Variants in PIK3R5 observed in about 807,000 individuals in gnomAD.
PIK3R5 encodes the protein phosphoinositide 3-kinase regulatory subunit 5.
In PIK3R5, 32 loss-of-function variants were observed where a neutral mutation model predicts 94.9. That is an observed-to-expected ratio of 0.34 (90% CI 0.25 to 0.45). PIK3R5 has a LOEUF of 0.45. PIK3R5 is among the 20% of genes least tolerant of loss of function. The probability of loss-of-function intolerance (pLI) is 1.00; values close to 1 mark genes in which losing one functional copy is unlikely to be tolerated. For missense variants in PIK3R5, 853 were observed against 1,144.6 expected, an observed-to-expected ratio of 0.75 and a Z score of 3.68; for synonymous variants, 443 against 479.4, an observed-to-expected ratio of 0.92 and a Z score of 0.99.
At chr17:8,886,193 C>T (rs1410126302) in intron 14 of PIK3R5, 36 bp downstream of exon 14, 3 of 1,522,088 alleles carry the variant, frequency 2.0e-6, no homozygotes, top group Non-Finnish European at 2.7e-6. Context: ...TCCCAGGCCC[C>T]GCCTCACCGT....
chr17:8,915,040 A>C (rs776757373), intron 1 of PIK3R5, among the ~76,000 whole-genome samples: 60 of 152,378 alleles, frequency 3.9e-4, no homozygotes, highest in Admixed American at 1.1e-3. Context: ...GGTTTCAACC[A>C]CTAGAATACA....
chr17:8,917,797 C>T (rs2090659787), intron 1 of PIK3R5, among the ~76,000 whole-genome samples: 4 of 152,020 alleles, frequency 2.6e-5, no homozygotes, highest in Middle Eastern at 3.4e-3. Flanking sequence ...ACCCAGGAGG[C>T]GGAGGTTGCA....
chr17:8,944,292 T>C (rs1597426416), intron 1 of PIK3R5, among the ~76,000 whole-genome samples: 1 of 152,216 alleles, frequency 6.6e-6, no homozygotes, highest in African/African-American at 2.4e-5. Flanking sequence ...TATTCCATGG[T>C]GTATATGTAC....
intron 5 of PIK3R5, among the ~76,000 whole-genome samples, chr17:8,901,895 GT>G (rs568666297): frequency 9.0e-4 from 137 of 152,200 alleles, no homozygotes; most frequent in African/African-American, 3.0e-3. Context: ...GTTGATGAAC[GT>G]CTTTGTTTTG....
At chr17:8,900,648 G>A (rs1235960108) in intron 5 of PIK3R5, among the ~76,000 whole-genome samples, 1 of 152,178 alleles carries the variant, frequency 6.6e-6, no homozygotes, top group Non-Finnish European at 1.5e-5. Flanking sequence ...CTGCTCTGAG[G>A]CCAAAGGACC....
At chr17:8,928,809 T>C (rs1597412198) in intron 1 of PIK3R5, among the ~76,000 whole-genome samples, 1 of 152,278 alleles carries the variant, frequency 6.6e-6, no homozygotes, top group East Asian at 1.9e-4. Context: ...TCTTGGAACA[T>C]CAGGAAGAAA....
In PIK3R5 at chr17:8,911,474, T is replaced by G. The variant is rs762281091; in HGVS notation, c.21A>C (p.Thr7=). The G allele has an allele frequency of 3.1e-6, 5 of 1,599,586 alleles. No homozygotes were observed. The African/African-American group carries it at 6.7e-5, about 21-fold the overall frequency. The change falls in exon 2 of 19, where the codon ACA becomes ACC. Residue 7 remains threonine, a synonymous_variant. Transcript: ENST00000447110. This position sits in a 1 kb window ranked among gnomAD's most constrained non-coding sequence, Gnocchi z 5.3. MQPGAT[T]CTEDRIQHAL... is the part of the protein sequence containing the mutation. ...CATGCTGGATGCGGTCCTCCGTGCATGTCGTGGCCCCTGGCTGCATCCTGG... is the reference window on the plus strand; with the variant it reads ...CATGCTGGATGCGGTCCTCCGTGCAGGTCGTGGCCCCTGGCTGCATCCTGG...
chr17:8,963,020 C>T (rs1311734334), intron 1 of PIK3R5, among the ~76,000 whole-genome samples: 1 of 152,216 alleles, frequency 6.6e-6, no homozygotes, highest in Non-Finnish European at 1.5e-5. Flanking sequence ...CAGGGTCTCA[C>T]TCTGTTGCCC....
At chr17:8,891,332 G>A (rs994883980) in intron 6 of PIK3R5, among the ~76,000 whole-genome samples, 8 of 152,208 alleles carry the variant, frequency 5.3e-5, no homozygotes, top group African/African-American at 1.9e-4. Flanking sequence ...ACGTGGTGCT[G>A]TGCAGTGTGG....
chr17:8,946,590 G>A (rs7209733), intron 1 of PIK3R5, among the ~76,000 whole-genome samples: 1 of 152,094 alleles, frequency 6.6e-6, no homozygotes, highest in African/African-American at 2.4e-5. Context: ...AAGTGAATAT[G>A]AGCACAAGAT....
At chr17:8,915,639 C>T (rs1217914635) in intron 1 of PIK3R5, 4 of 152,256 alleles carry the variant, frequency 2.6e-5, no homozygotes, top group Non-Finnish European at 5.9e-5. Context: ...TGGAGCATGT[C>T]CTGAACCGTG....
intron 2 of PIK3R5, among the ~76,000 whole-genome samples, chr17:8,910,570 G>T (rs1364662109): frequency 6.6e-6 from 1 of 152,178 alleles, no homozygotes; most frequent in Admixed American, 6.5e-5. Context: ...GGTCCTGGGA[G>T]GATAAGTGGC....
At chr17:8,915,335 A>C (rs1210864070) in intron 1 of PIK3R5, among the ~76,000 whole-genome samples, 1 of 151,782 alleles carries the variant, frequency 6.6e-6, no homozygotes, top group Non-Finnish European at 1.5e-5. Flanking sequence ...GAGGCATGAG[A>C]ATGGCTTGAA....
Position 8,893,504 on chromosome 17 carries a change from TG to T in PIK3R5, c.482+81del, listed in dbSNP as rs1778586435. The T allele has an allele frequency of 1.8e-6, 2 of 1,103,740 alleles. No individual in the cohort carries two copies. The highest frequency in any genetic ancestry group is 1.3e-5 in the South Asian group (1 of 78,574). 68.4% of individuals were successfully genotyped at this position (1,103,740 alleles called of 1,614,324 possible). On this transcript the variant is annotated intron_variant, in intron 6 of 18. Transcript: ENST00000447110. The surrounding 1 kb of genome is among the most constrained non-coding windows in gnomAD (Gnocchi z 5.1). Reference sequence around the variant, plus strand: ...GGGGTGGGGGCACTGGATGTTTGAGTGGGGGAGGAGGGTGAAGGTGGAACAG... The same window carrying T: ...GGGGTGGGGGCACTGGATGTTTGAGTGGGGAGGAGGGTGAAGGTGGAACAG...
At position 8,889,919 on chromosome 17, in the gene PIK3R5, C is replaced by A. The variant is rs994584101; in HGVS notation, c.811+54G>T. 22 of 1,599,816 alleles carry A rather than the reference C, an allele frequency of 1.4e-5. No homozygotes were observed. The East Asian group carries it at 4.9e-4, about 36-fold the overall frequency. ...CCCGCCTGGACCGTGCACCTTGGGACCTAGAATAGGCCATGGGGAATGTGG... is the reference window on the plus strand; with the variant it reads ...CCCGCCTGGACCGTGCACCTTGGGAACTAGAATAGGCCATGGGGAATGTGG... On this transcript the variant is annotated intron_variant, in intron 8 of 18. Coordinates refer to ENST00000447110, the MANE Select transcript of PIK3R5 (RefSeq NM_001142633.3). This position sits in a 1 kb window ranked among gnomAD's most constrained non-coding sequence, Gnocchi z 4.1.
At position 8,888,002 on chromosome 17, in the gene PIK3R5, A is replaced by AAATAAT. The variant is rs71135929; in HGVS notation, c.1616+163_1616+168dup. On this transcript the variant is annotated intron_variant, in intron 10 of 18. Transcript: ENST00000447110. The surrounding 1 kb of genome is among the most constrained non-coding windows in gnomAD (Gnocchi z 7.8). ...GGCAACAGAGCAAGACTCTGTCTCA[A>AAATAAT]AATAATAATAATAATAATAATAATA... 0.088 allele frequency among the ~76,000 whole-genome samples: 11,426 copies of AAATAAT among 129,354 alleles called. 578 individuals carry two copies. Among genetic ancestry groups the AAATAAT allele is most frequent in the Non-Finnish European group, 0.1 (6,354 of 61,998 alleles). The allele number at this position is 129,354 out of a possible 152,430, so 84.9% of individuals were successfully genotyped here. A position where few individuals can be genotyped will look rare whatever the true frequency, so the allele number is the denominator to read the frequency against.
chr17:8,900,864 C>T (rs766617741), intron 5 of PIK3R5, among the ~76,000 whole-genome samples: 1 of 152,194 alleles, frequency 6.6e-6, no homozygotes, highest in Admixed American at 6.5e-5. Context: ...GAGGGACAGC[C>T]GGTTCTACTT....
chr17:8,930,152 C>CTTT (rs1419672435), intron 1 of PIK3R5, among the ~76,000 whole-genome samples: 65 of 152,084 alleles, frequency 4.3e-4, no homozygotes, highest in African/African-American at 1.6e-3. Flanking sequence ...TTTTCAAGTA[C>CTTT]TTACGGAACA....
At position 8,889,929 on chromosome 17, in the gene PIK3R5, G is replaced by C; in HGVS notation, c.811+44C>G. ...CCGTGCACCTTGGGACCTAGAATAG[G>C]CCATGGGGAATGTGGGAGAACCCCA... On this transcript the variant is annotated intron_variant, in intron 8 of 18. Transcript: ENST00000447110. The surrounding 1 kb of genome is among the most constrained non-coding windows in gnomAD (Gnocchi z 4.1). 6.2e-7 allele frequency: 1 copy of C among 1,606,840 alleles called. No homozygotes were observed. Among genetic ancestry groups the C allele is most frequent in the Non-Finnish European group, 8.5e-7 (1 of 1,174,962 alleles).
Sources: gnomAD v4.1 joint callset for allele counts (sites outside exome capture counted in the v4.1 genomes callset) on GRCh38, gnomAD v4.1.1 for gene constraint, Gnocchi (gnomAD v3.1) non-coding constraint, MANE v1.5 for transcripts, NCBI Gene and HGNC (gene_info 2026-07-23, HGNC 2026-07-21) for gene names.